Variants in ARHGAP5 observed in about 807,000 individuals in gnomAD.
ARHGAP5 encodes the protein rho GTPase-activating protein 5.
Under a neutral mutation model 116.6 loss-of-function variants are expected in ARHGAP5, and 23 were observed. The ratio of observed to expected loss-of-function variants is 0.20; its 90% CI spans 0.14 to 0.28. The LOEUF is 0.28. ARHGAP5 is among the 10% of genes least tolerant of loss of function. ARHGAP5 has a pLI of 1.00. For synonymous variants in ARHGAP5, 574 were observed against 602.0 expected (o/e 0.95, Z 0.68); for missense variants, 1,405 against 1,774.8 (o/e 0.79, Z 3.74).
chr14:32,103,632 T>G (rs1878886086), intron 2 of ARHGAP5, among the ~76,000 whole-genome samples: 1 of 152,284 alleles, frequency 6.6e-6, no homozygotes, highest in South Asian at 2.1e-4. Flanking sequence ...ATAGGTAAAT[T>G]TATAGGTTTG....
At chr14:32,100,311 C>T (rs1369112136) in intron 2 of ARHGAP5, among the ~76,000 whole-genome samples, 1 of 152,116 alleles carries the variant, frequency 6.6e-6, no homozygotes, top group Non-Finnish European at 1.5e-5. Flanking sequence ...GTGATCTTCT[C>T]GCCTCAGCCT....
At chr14:32,128,309 C>G (rs545991336) in intron 3 of ARHGAP5, among the ~76,000 whole-genome samples, 1 of 152,368 alleles carries the variant, frequency 6.6e-6, no homozygotes, top group African/African-American at 2.4e-5. Flanking sequence ...AATCTCAGCA[C>G]TTTGGGAGGC....
chr14:32,133,121 A>G (rs1370166769), intron 3 of ARHGAP5, among the ~76,000 whole-genome samples: 1 of 152,194 alleles, frequency 6.6e-6, no homozygotes, highest in African/African-American at 2.4e-5. Flanking sequence ...AATTCTGTGA[A>G]GAAAGTCATT....
chr14:32,126,413 C>T (rs1880156468), intron 3 of ARHGAP5, among the ~76,000 whole-genome samples: 1 of 152,180 alleles, frequency 6.6e-6, no homozygotes, highest in African/African-American at 2.4e-5. Flanking sequence ...ACTACAATCT[C>T]TGCCTTTGGC....
chr14:32,151,477 C>T (rs1251832013), intron 5 of ARHGAP5, among the ~76,000 whole-genome samples: 2 of 152,184 alleles, frequency 1.3e-5, no homozygotes, highest in Non-Finnish European at 2.9e-5. Flanking sequence ...GTAGTATAGG[C>T]GAATCTATAG....
intron 3 of ARHGAP5, among the ~76,000 whole-genome samples, chr14:32,144,482 ATATT>A (rs1233575579): frequency 6.6e-6 from 1 of 151,158 alleles, no homozygotes; most frequent in Non-Finnish European, 1.5e-5. Context: ...ATTTATATTT[ATATT>A]TATTTATTTA....
intron 3 of ARHGAP5, among the ~76,000 whole-genome samples, chr14:32,118,381 C>T (rs540245195): frequency 7.9e-5 from 12 of 152,100 alleles, no homozygotes; most frequent in Non-Finnish European, 1.3e-4. Flanking sequence ...CCTGTAGTCC[C>T]AGCTACTTGG....
intron 1 of ARHGAP5, among the ~76,000 whole-genome samples, chr14:32,078,792 G>C (rs1367763248): frequency 6.6e-6 from 1 of 152,110 alleles, no homozygotes; most frequent in Non-Finnish European, 1.5e-5. Flanking sequence ...TAGACATTTG[G>C]AATAATGTTT....
At chr14:32,100,213 A>T (rs949676040) in intron 2 of ARHGAP5, among the ~76,000 whole-genome samples, 4 of 152,196 alleles carry the variant, frequency 2.6e-5, no homozygotes, top group African/African-American at 9.6e-5. Flanking sequence ...ATGGATATTT[A>T]TTTATGAGAT....
chr14:32,077,939 C>CT (rs1166004028), intron 1 of ARHGAP5, among the ~76,000 whole-genome samples: 1 of 152,176 alleles, frequency 6.6e-6, no homozygotes, highest in East Asian at 1.9e-4. Flanking sequence ...GGGATCGGCC[C>CT]TTTCACTTTC....
intron 2 of ARHGAP5, among the ~76,000 whole-genome samples, chr14:32,095,401 G>GT (rs869055864): frequency 0.017 from 2,055 of 120,264 alleles, 4 homozygotes; most frequent in African/African-American, 0.027. Context: ...TGTAAACTTT[G>GT]TTTTTTTTTT....
intron 2 of ARHGAP5, among the ~76,000 whole-genome samples, chr14:32,116,386 C>G (rs943329735): frequency 6.6e-6 from 1 of 150,878 alleles, no homozygotes; most frequent in Non-Finnish European, 1.5e-5. Flanking sequence ...GTCAGGAGAT[C>G]GAGACCATCC....
intron 1 of ARHGAP5, among the ~76,000 whole-genome samples, chr14:32,080,209 A>G (rs2041757847): frequency 6.6e-6 from 1 of 151,824 alleles, no homozygotes; most frequent in East Asian, 1.9e-4. Flanking sequence ...TTTTTCCTAG[A>G]TGCCTTGAGA....
chr14:32,134,884 C>T (rs930276898), intron 3 of ARHGAP5, among the ~76,000 whole-genome samples: 2 of 152,154 alleles, frequency 1.3e-5, no homozygotes, highest in African/African-American at 2.4e-5. Context: ...TGAGCCATCA[C>T]GTTTACAAGA....
At chr14:32,084,322 GACTT>G (rs1325064064) in intron 1 of ARHGAP5, among the ~76,000 whole-genome samples, 1 of 152,122 alleles carries the variant, frequency 6.6e-6, no homozygotes, top group African/African-American at 2.4e-5. Context: ...CACACCTTTA[GACTT>G]ACTGTTTATA....
chr14:32,093,498 T>C lies in ARHGAP5; in HGVS notation c.2829T>C (p.Asn943=). ...TTAGTGATGTTCTAGAGAAAAAAAA[T>C]ATGATAGAAAATTCTTATTTGTCTG... ...LFFSDVLEKK[N]MIENSYLSDN... Residue 943 remains asparagine, a synonymous_variant, in exon 2 of 7, where the codon AAT becomes AAC. Transcript: ENST00000345122. 1 of 1,612,346 alleles carries C rather than the reference T, an allele frequency of 6.2e-7. No individual in the cohort carries two copies. Among genetic ancestry groups the C allele is most frequent in the Non-Finnish European group, 8.5e-7 (1 of 1,179,506 alleles).
At chr14:32,129,417 T>G (rs920423649) in intron 3 of ARHGAP5, among the ~76,000 whole-genome samples, 3 of 152,192 alleles carry the variant, frequency 2.0e-5, no homozygotes, top group Non-Finnish European at 2.9e-5. Context: ...TATAAAGAAA[T>G]AGAGACTATC....
intron 1 of ARHGAP5, among the ~76,000 whole-genome samples, chr14:32,082,278 G>A (rs2041784845): frequency 6.6e-6 from 1 of 152,140 alleles, no homozygotes; most frequent in Admixed American, 6.5e-5. Context: ...GAAAATAAGA[G>A]TATTACACCA....
chr14:32,089,573 C>G (rs1202560194), intron 1 of ARHGAP5, among the ~76,000 whole-genome samples: 4 of 151,818 alleles, frequency 2.6e-5, no homozygotes, highest in Non-Finnish European at 1.5e-5. Context: ...TAAAAGTTAT[C>G]TTGTGTTGCT....
Sources: allele counts gnomAD v4.1 joint callset (sites outside exome capture counted in the v4.1 genomes callset), GRCh38; gene constraint gnomAD v4.1.1; transcripts MANE v1.5; gene names NCBI Gene and HGNC (gene_info 2026-07-23, HGNC 2026-07-21).